CCDC171: variants seen among roughly 807,000 people sequenced by gnomAD.
CCDC171 encodes coiled-coil domain-containing protein 171.
In CCDC171, 177 loss-of-function variants were observed where a neutral mutation model predicts 168.2. The ratio of observed to expected loss-of-function variants is 1.05; its 90% CI spans 0.93 to 1.19. CCDC171 has a LOEUF of 1.19. Among genes scored for constraint, CCDC171 ranks in the 50% most tolerant of loss-of-function variants. The pLI, the probability that CCDC171 is intolerant of heterozygous loss-of-function variation, is 0.00. For synonymous variants in CCDC171, 687 were observed against 540.8 expected (o/e 1.27, Z -3.75); for missense variants, 1,991 against 1,539.0 (o/e 1.29, Z -4.91).
intron 25 of CCDC171, among the ~76,000 whole-genome samples, chr9:15,967,263 G>C (rs1830894558): frequency 6.6e-6 from 1 of 152,162 alleles, no homozygotes; most frequent in Non-Finnish European, 1.5e-5. Context: ...TGGGTGCTTT[G>C]ATTTCTTCAT....
chr9:15,809,385 C>T (rs1361853040), intron 21 of CCDC171, among the ~76,000 whole-genome samples: 2 of 152,188 alleles, frequency 1.3e-5, no homozygotes, highest in Non-Finnish European at 2.9e-5. Flanking sequence ...CTCACTGTGT[C>T]TGAAATTGGT....
In CCDC171 at chr9:15,998,830, G is replaced by T. The variant is rs185482650; in HGVS notation, n.369-21759G>T. ...CCTTCCCTCTTTGAAAATTTGAAGA[G>T]AGGGACAGTTCTTGCCCCTACTCCT... On this transcript the variant is annotated intron_variant and non_coding_transcript_variant, in intron 3 of 9. Transcript: ENST00000486641. Among the ~76,000 whole-genome samples the T allele has an allele frequency of 1.1e-3, 163 of 152,342 alleles. 1 individual carries two copies. The highest frequency in any genetic ancestry group is 3.2e-3 in the African/African-American group (133 of 41,590).
At chr9:16,007,758 T>C (rs1370104791) in intron 3 of CCDC171, among the ~76,000 whole-genome samples, 2 of 152,214 alleles carry the variant, frequency 1.3e-5, no homozygotes, top group Non-Finnish European at 2.9e-5. Context: ...GTGGTATTAT[T>C]TCTGAGGGCT....
intron 6 of CCDC171, among the ~76,000 whole-genome samples, chr9:15,598,977 C>A (rs1587292093): frequency 6.6e-6 from 1 of 152,094 alleles, no homozygotes; most frequent in African/African-American, 2.4e-5. Context: ...GCAACCCCTG[C>A]CTTTTTTGTT....
At chr9:15,925,781 T>G (rs1825826404) in intron 25 of CCDC171, among the ~76,000 whole-genome samples, 1 of 151,660 alleles carries the variant, frequency 6.6e-6, no homozygotes, top group Non-Finnish European at 1.5e-5. Context: ...TAATATCCAC[T>G]GACATAGATG....
At chr9:15,948,817 T>C (rs552172175) in intron 25 of CCDC171, among the ~76,000 whole-genome samples, 3 of 151,576 alleles carry the variant, frequency 2.0e-5, no homozygotes, top group African/African-American at 7.3e-5. Context: ...GCAGAAGCTC[T>C]TTAGTTTAAT....
At chr9:15,613,345 G>T (rs1044448184) in intron 6 of CCDC171, among the ~76,000 whole-genome samples, 16 of 152,020 alleles carry the variant, frequency 1.1e-4, no homozygotes, top group African/African-American at 3.6e-4. Flanking sequence ...TTTAGCATAG[G>T]TTAATTGATA....
downstream of CCDC171, among the ~76,000 whole-genome samples, chr9:15,976,364 A>G (rs527988704): frequency 6.6e-6 from 1 of 152,262 alleles, no homozygotes; most frequent in African/African-American, 2.4e-5. Flanking sequence ...TCCATTTTAT[A>G]TTCATGGCTT....
chr9:15,698,610 C>A (rs927060627), intron 11 of CCDC171, among the ~76,000 whole-genome samples: 1 of 151,278 alleles, frequency 6.6e-6, no homozygotes, highest in Non-Finnish European at 1.5e-5. Context: ...GTTTTATTTA[C>A]GTTGCTACAA....
intron 11 of CCDC171, among the ~76,000 whole-genome samples, chr9:15,706,414 A>C (rs2052240573): frequency 6.6e-6 from 1 of 151,826 alleles, no homozygotes; most frequent in Non-Finnish European, 1.5e-5. Context: ...CTCAGCTCCC[A>C]AGTAGCTGGG....
chr9:15,886,163 A>G (rs972568742), intron 24 of CCDC171: 3 of 152,194 alleles, frequency 2.0e-5, no homozygotes, highest in Non-Finnish European at 2.9e-5. Flanking sequence ...ACCTAATGCC[A>G]TAAAACAAAG....
chr9:15,750,096 A>G (rs1374519763), intron 18 of CCDC171, among the ~76,000 whole-genome samples: 3 of 152,034 alleles, frequency 2.0e-5, no homozygotes. Flanking sequence ...TAAGAAAGAG[A>G]GAAGAATCAA....
chr9:15,579,085 G>A (rs1165217065), intron 4 of CCDC171, 62 bp downstream of exon 4: 13 of 1,330,366 alleles, frequency 9.8e-6, no homozygotes, highest in African/African-American at 2.9e-5. Flanking sequence ...ATCACTCCTC[G>A]CTGTTGTGTG....
chr9:15,591,622 T>C, intron 5 of CCDC171, 66 bp downstream of exon 5: 1 of 891,814 alleles, frequency 1.1e-6, no homozygotes, highest in Non-Finnish European at 1.7e-6. Context: ...TGTACATTAC[T>C]TGAAGTTATC....
chr9:15,673,516 C>T (rs574900088), intron 9 of CCDC171, among the ~76,000 whole-genome samples: 119 of 152,196 alleles, frequency 7.8e-4, no homozygotes, highest in African/African-American at 2.2e-3. Context: ...TTTTGAGATA[C>T]GTTCCATCAA....
At chr9:16,009,678 G>A (rs1003753657) in intron 3 of CCDC171, among the ~76,000 whole-genome samples, 5 of 152,236 alleles carry the variant, frequency 3.3e-5, no homozygotes, top group East Asian at 3.9e-4. Flanking sequence ...TGAGAACACC[G>A]AAATGCCTTT....
chr9:15,603,081 A>G (rs1405826332), intron 6 of CCDC171, among the ~76,000 whole-genome samples: 1 of 152,042 alleles, frequency 6.6e-6, no homozygotes, highest in African/African-American at 2.4e-5. Flanking sequence ...TCCTGGGTTC[A>G]TGCTATTCTC....
chr9:15,633,550 A>G (rs1244003715), intron 7 of CCDC171, among the ~76,000 whole-genome samples: 3 of 152,220 alleles, frequency 2.0e-5, no homozygotes, highest in Admixed American at 2.0e-4. Flanking sequence ...ATGTGGAGAA[A>G]TAGGAACACT....
intron 25 of CCDC171, among the ~76,000 whole-genome samples, chr9:15,924,395 T>C (rs1460949537): frequency 2.0e-5 from 3 of 150,408 alleles, no homozygotes; most frequent in African/African-American, 7.3e-5. Flanking sequence ...TTGGGCAGTC[T>C]AGTGAGAAGT....
Sources: gnomAD v4.1 joint callset for allele counts (sites outside exome capture counted in the v4.1 genomes callset) on GRCh38, gnomAD v4.1.1 for gene constraint, MANE v1.5 for transcripts, NCBI Gene and HGNC (gene_info 2026-07-23, HGNC 2026-07-21) for gene names.